The following HTT variants were observed in gnomAD, a reference collection of about 807,000 sequenced individuals.
HTT encodes huntington disease protein.
In HTT, 104 loss-of-function variants were observed where a neutral mutation model predicts 362.3. The observed-to-expected ratio is 0.29, with a 90% confidence interval of 0.24 to 0.34. HTT has a LOEUF of 0.34. Ranked by LOEUF, HTT falls within the 10% of genes least tolerant of loss-of-function variation. The pLI is 1.00. For missense variants in HTT, 3,301 were observed against 3,928.6 expected (o/e 0.84, Z 4.27); for synonymous variants, 1,577 against 1,548.7 (o/e 1.02, Z -0.43).
intron 5 of HTT, among the ~76,000 whole-genome samples, chr4:3,106,477 G>A (rs1169698971): frequency 1.3e-5 from 2 of 152,120 alleles, no homozygotes; most frequent in Admixed American, 6.6e-5. Context: ...TATTTCTGAA[G>A]CAACACATCC....
chr4:3,129,314 T>G (rs919873782), intron 12 of HTT: 2 of 152,316 alleles, frequency 1.3e-5, no homozygotes, highest in Non-Finnish European at 2.9e-5. Context: ...ATTTAAAACA[T>G]TCATATCATT....
At chr4:3,232,466 G>A (rs1439260532) in intron 60 of HTT, among the ~76,000 whole-genome samples, 1 of 152,212 alleles carries the variant, frequency 6.6e-6, no homozygotes. Context: ...AGTGAAGAAC[G>A]TGGGCTAAGT....
At chr4:3,105,796 A>G (rs940877197) in intron 5 of HTT, among the ~76,000 whole-genome samples, 1 of 152,172 alleles carries the variant, frequency 6.6e-6, no homozygotes, top group Non-Finnish European at 1.5e-5. Context: ...TGAGGTACCA[A>G]TTTCATTATT....
Position 3,206,894 on chromosome 4 carries a change from C to T in HTT, c.5986C>T (p.Leu1996Phe). The T allele has an allele frequency of 6.2e-7, 1 of 1,614,122 alleles. No homozygotes were observed. Among genetic ancestry groups the T allele is most frequent in the South Asian group, 1.1e-5 (1 of 91,086 alleles). Residue 1996 changes from leucine to phenylalanine, a missense_variant, in exon 44 of 67, where the codon CTT becomes TTT. Around this residue, in one of 4 missense-constraint regions of HTT, gnomAD observed 2,316 missense variants for 2,658.5 expected, o/e 0.87. Coordinates refer to ENST00000355072, the MANE Select transcript of HTT (RefSeq NM_001388492.1). The surrounding 1 kb of genome is among the most constrained non-coding windows in gnomAD (Gnocchi z 4.6). Reference sequence around the variant, plus strand: ...TGTGCTCACGCTGTATGTGGACAGGCTTCTGTGCACCCCTTTCCGTGTGCT... The same window carrying T: ...TGTGCTCACGCTGTATGTGGACAGGTTTCTGTGCACCCCTTTCCGTGTGCT... The part of the protein sequence containing the change: ...GAVLTLYVDR[L>F]LCTPFRVLAR...
intron 29 of HTT, among the ~76,000 whole-genome samples, chr4:3,163,218 T>C (rs539523658): frequency 6.6e-6 from 1 of 152,378 alleles, no homozygotes; most frequent in South Asian, 2.1e-4. Flanking sequence ...GTTTATGTGA[T>C]GGATTACGTT....
chr4:3,147,219 C>G (rs139558832), intron 25 of HTT, among the ~76,000 whole-genome samples: 2 of 152,166 alleles, frequency 1.3e-5, no homozygotes, highest in Non-Finnish European at 2.9e-5. Flanking sequence ...TTAATGGGCA[C>G]CATATGCCAG....
At chr4:3,168,245 G>C (rs1034756291) in intron 29 of HTT, among the ~76,000 whole-genome samples, 17 of 152,188 alleles carry the variant, frequency 1.1e-4, no homozygotes, top group African/African-American at 3.9e-4. Context: ...AGCCTTATCT[G>C]TGACCTTGCT....
intron 30 of HTT, 62 bp downstream of exon 30, chr4:3,172,459 T>G (rs1718035763): frequency 1.9e-6 from 2 of 1,061,568 alleles, no homozygotes; most frequent in East Asian, 4.7e-5. Flanking sequence ...AAAACGCTGC[T>G]ACTCCTTAAG....
chr4:3,187,992 G>C, intron 39 of HTT, 106 bp downstream of exon 39: 2 of 675,100 alleles, frequency 3.0e-6, no homozygotes, highest in Admixed American at 5.2e-5. Context: ...CTTCACTTCT[G>C]AGTTGGGTAA....
At chr4:3,116,395 A>C (rs892363639) in intron 8 of HTT, 132 bp downstream of exon 8, 4 of 699,958 alleles carry the variant, frequency 5.7e-6, no homozygotes, top group African/African-American at 1.8e-5. Flanking sequence ...CTCGTTTCCA[A>C]CCCTAGGTGC....
At chr4:3,145,896 G>A (rs1412201914) in intron 24 of HTT, among the ~76,000 whole-genome samples, 1 of 152,174 alleles carries the variant, frequency 6.6e-6, no homozygotes. Flanking sequence ...CTCACATACA[G>A]ACTGAGCAGC....
chr4:3,122,588 A>G (rs1462795610), intron 9 of HTT, among the ~76,000 whole-genome samples: 1 of 152,224 alleles, frequency 6.6e-6, no homozygotes, highest in Non-Finnish European at 1.5e-5. Flanking sequence ...GAAAAGTTAT[A>G]CTTGACTGTT....
rs201724113 is a variant in HTT, at chr4:3,235,347, T to C, written c.8520T>C (p.Ile2840=). 6.2e-7 allele frequency: 1 copy of C among 1,614,044 alleles called. No individual in the cohort carries two copies. The highest frequency in any genetic ancestry group is 1.3e-5 in the African/African-American group (1 of 75,048). The part of the protein sequence containing the change: ...LVMCATAFYL[I]ENYPLDVGPE... ...TGTGTGCCACTGCGTTTTACCTCAT[T>C]GAGAACTATCCTCTGGACGTAGGGC... Residue 2840 remains isoleucine (I), a synonymous_variant, in exon 62 of 67, where the codon ATT becomes ATC. Coordinates refer to ENST00000355072, the MANE Select transcript of HTT (RefSeq NM_001388492.1).
chr4:3,128,076 G>A (rs1272862480), intron 12 of HTT, among the ~76,000 whole-genome samples: 1 of 152,048 alleles, frequency 6.6e-6, no homozygotes, highest in Non-Finnish European at 1.5e-5. Flanking sequence ...GGGATTACAG[G>A]TGGGCACCAC....
rs532889368 is a variant in HTT, at chr4:3,200,839, C to T, written c.5576+900C>T. On this transcript the variant is annotated intron_variant, in intron 41 of 66. Coordinates refer to ENST00000355072, the MANE Select transcript of HTT (RefSeq NM_001388492.1). ...CTTGGTGGATGTCTTAGGCCTGTTA[C>T]GATGACTGAGCACTGTGGGGGCAGG... Among the ~76,000 whole-genome samples, 3 of 152,328 alleles carry T rather than the reference C, an allele frequency of 2.0e-5. No individual in the cohort carries two copies. In the East Asian group the frequency reaches 5.8e-4, roughly 29 times the overall value.
chr4:3,087,915 A>T (rs1261312178), intron 2 of HTT, among the ~76,000 whole-genome samples: 1 of 151,972 alleles, frequency 6.6e-6, no homozygotes, highest in East Asian at 1.9e-4. Context: ...CAATGGCGTG[A>T]TCTCGGCTCA....
chr4:3,206,827 T>C lies in HTT; in HGVS notation c.5919T>C (p.Thr1973=). 6.2e-7 allele frequency: 1 copy of C among 1,602,462 alleles called. No homozygotes were observed. Among genetic ancestry groups the C allele is most frequent in the Non-Finnish European group, 8.5e-7 (1 of 1,172,948 alleles). Residue 1973 remains threonine (T), a synonymous_variant, in exon 44 of 67, where the codon ACT becomes ACC. Coordinates refer to ENST00000355072, the MANE Select transcript of HTT (RefSeq NM_001388492.1). This position sits in a 1 kb window ranked among gnomAD's most constrained non-coding sequence, Gnocchi z 4.6. Reference sequence around the variant, plus strand: ...GTTAGCCAACCATGCTGAAGAAAACTCTTCAGTGCTTGGAGGGGATCCATC... The same window carrying C: ...GTTAGCCAACCATGCTGAAGAAAACCCTTCAGTGCTTGGAGGGGATCCATC... ...NLSTPTMLKK[T]LQCLEGIHLS...
At chr4:3,136,666 C>T (rs1322508982) in intron 21 of HTT, among the ~76,000 whole-genome samples, 1 of 151,810 alleles carries the variant, frequency 6.6e-6, no homozygotes, top group African/African-American at 2.4e-5. Context: ...GCTATATACT[C>T]TATGAGTTTC....
chr4:3,144,093 G>C (rs1295052558), intron 23 of HTT, among the ~76,000 whole-genome samples: 1 of 152,098 alleles, frequency 6.6e-6, no homozygotes, highest in African/African-American at 2.4e-5. Flanking sequence ...CAAACCTGGT[G>C]GGGGTATAGT....
Sources: gnomAD v4.1 joint callset for allele counts (sites outside exome capture counted in the v4.1 genomes callset) on GRCh38, gnomAD v4.1.1 for gene constraint, gnomAD v4.1.1 regional missense constraint, Gnocchi (gnomAD v3.1) non-coding constraint, MANE v1.5 for transcripts, NCBI Gene and HGNC (gene_info 2026-07-23, HGNC 2026-07-21) for gene names.